PACS1: variants seen among roughly 807,000 people sequenced by gnomAD.
The protein encoded by PACS1 is PACS-1.
PACS1 carries 24 observed loss-of-function variants against 115.0 expected under a neutral mutation model. The ratio of observed to expected loss-of-function variants is 0.21; its 90% confidence interval spans 0.15 to 0.29. PACS1 has a LOEUF of 0.29. PACS1 is among the 10% of genes least tolerant of loss of function. The probability of loss-of-function intolerance (pLI) is 1.00; values close to 1 mark genes in which losing one functional copy is unlikely to be tolerated. For missense variants in PACS1, 838 were observed against 1,251.2 expected, an observed-to-expected ratio of 0.67 and a Z score of 4.98; for synonymous variants, 453 against 504.5, an observed-to-expected ratio of 0.90 and a Z score of 1.37.
In PACS1 at chr11:66,160,145, G is replaced by T. The variant is rs768297111; in HGVS notation, c.357-33341G>T. ...GGTCTCTGTTCTTCAACACATTAGCGCAATGTGACTGTAATTCAAATTGGA... is the reference window on the plus strand; with the variant it reads ...GGTCTCTGTTCTTCAACACATTAGCTCAATGTGACTGTAATTCAAATTGGA... On this transcript the variant is annotated intron_variant, in intron 1 of 23. Coordinates refer to ENST00000320580, the MANE Select transcript of PACS1 (RefSeq NM_018026.4). Among the ~76,000 whole-genome samples, 3 of 152,206 alleles carry T rather than the reference G, an allele frequency of 2.0e-5. No individual in the cohort carries two copies. The East Asian group carries it at 5.8e-4, about 29-fold the overall frequency.
At chr11:66,224,680 A>G (rs758031422) in intron 10 of PACS1, among the ~76,000 whole-genome samples, 16 of 152,112 alleles carry the variant, frequency 1.1e-4, no homozygotes, top group Non-Finnish European at 1.8e-4. Context: ...GAAGAGCCCC[A>G]TATGTCTGGA....
chr11:66,128,534 C>G (rs761541489), intron 1 of PACS1, among the ~76,000 whole-genome samples: 1 of 152,072 alleles, frequency 6.6e-6, no homozygotes, highest in Non-Finnish European at 1.5e-5. Flanking sequence ...TAGGCTCATT[C>G]TACTGTTCTA....
chr11:66,195,653 A>T (rs1854633152), intron 2 of PACS1, among the ~76,000 whole-genome samples: 1 of 152,178 alleles, frequency 6.6e-6, no homozygotes, highest in South Asian at 2.1e-4. Flanking sequence ...AAATTGTTCT[A>T]CTTCCAAGCA....
chr11:66,070,873 G>A lies in PACS1; in HGVS notation c.356+31G>A, dbSNP rs1857296523. ...CGCGGGAGGGTGCGGCGGGGCGCCGGGGGAGCGGGGTGGCCGCCGGGGCCC... is the reference window on the plus strand; with the variant it reads ...CGCGGGAGGGTGCGGCGGGGCGCCGAGGGAGCGGGGTGGCCGCCGGGGCCC... On this transcript the variant is annotated intron_variant, in intron 1 of 23. Coordinates refer to ENST00000320580, the MANE Select transcript of PACS1 (RefSeq NM_018026.4). The surrounding 1 kb of genome is among the most constrained non-coding windows in gnomAD (Gnocchi z 5.9). The A allele has an allele frequency of 2.8e-6, 4 of 1,415,730 alleles. No homozygotes were observed. The highest frequency in any genetic ancestry group is 3.7e-6 in the Non-Finnish European group (4 of 1,095,328). The allele number at this position is 1,415,730 out of a possible 1,614,324, so 87.7% of individuals were successfully genotyped here. A position where few individuals can be genotyped will look rare whatever the true frequency, so the allele number is the denominator to read the frequency against.
At chr11:66,161,104 G>A (rs1338993861) in intron 1 of PACS1, among the ~76,000 whole-genome samples, 1 of 152,158 alleles carries the variant, frequency 6.6e-6, no homozygotes, top group East Asian at 1.9e-4. Flanking sequence ...AGAGGTAAGT[G>A]TATGTGTTTG....
At chr11:66,151,984 C>T (rs1463981587) in intron 1 of PACS1, among the ~76,000 whole-genome samples, 2 of 152,146 alleles carry the variant, frequency 1.3e-5, no homozygotes, top group Non-Finnish European at 2.9e-5. Flanking sequence ...TATAATCCCA[C>T]AACTTTGGGA....
intron 10 of PACS1, among the ~76,000 whole-genome samples, chr11:66,222,270 C>G (rs1590830402): frequency 6.6e-6 from 1 of 152,086 alleles, no homozygotes; most frequent in East Asian, 1.9e-4. Flanking sequence ...TCAGGAGGCC[C>G]TAGTAGGCTT....
intron 1 of PACS1, among the ~76,000 whole-genome samples, chr11:66,129,430 TC>T (rs1326754733): frequency 9.2e-5 from 13 of 141,464 alleles, no homozygotes; most frequent in African/African-American, 3.2e-4. Context: ...AGACTCCATA[TC>T]AAAAAAAAAA....
At chr11:66,088,167 T>C (rs1857604289) in intron 1 of PACS1, among the ~76,000 whole-genome samples, 1 of 148,062 alleles carries the variant, frequency 6.8e-6, no homozygotes, top group Non-Finnish European at 1.5e-5. Context: ...TTACTCTTTA[T>C]ATTTATTTAT....
intron 1 of PACS1, among the ~76,000 whole-genome samples, chr11:66,112,678 G>A (rs946535887): frequency 1.3e-5 from 2 of 152,096 alleles, no homozygotes; most frequent in Admixed American, 6.6e-5. Flanking sequence ...TGCTTTTCCC[G>A]TTGTGCATGG....
chr11:66,220,319 G>C, intron 8 of PACS1: 1 of 361,360 alleles, frequency 2.8e-6, no homozygotes. Flanking sequence ...CGATTGCTTC[G>C]CCTTCCTGTG....
At chr11:66,151,719 A>G (rs1317363127) in intron 1 of PACS1, among the ~76,000 whole-genome samples, 2 of 152,262 alleles carry the variant, frequency 1.3e-5, no homozygotes, top group South Asian at 2.1e-4. Flanking sequence ...AATAAAATGG[A>G]AAGTCTAACT....
chr11:66,210,617 A>G (rs1330341078), intron 3 of PACS1, among the ~76,000 whole-genome samples, 166 bp downstream of exon 3: 1 of 152,204 alleles, frequency 6.6e-6, no homozygotes, highest in African/African-American at 2.4e-5. Context: ...GGGCCAAAGC[A>G]ACCCTTTAGC....
chr11:66,121,778 G>A (rs1052150469), intron 1 of PACS1, among the ~76,000 whole-genome samples: 4 of 152,216 alleles, frequency 2.6e-5, no homozygotes, highest in Admixed American at 6.5e-5. Context: ...TCAGAGAGGT[G>A]AGGAAGCTGC....
intron 1 of PACS1, among the ~76,000 whole-genome samples, chr11:66,131,587 G>A (rs1380841629): frequency 1.3e-5 from 2 of 151,954 alleles, no homozygotes; most frequent in Admixed American, 6.6e-5. Flanking sequence ...CATTTCCTTT[G>A]GTTTTTCCAT....
At chr11:66,104,656 A>G (rs1857993584) in intron 1 of PACS1, among the ~76,000 whole-genome samples, 1 of 152,216 alleles carries the variant, frequency 6.6e-6, no homozygotes, top group Non-Finnish European at 1.5e-5. Flanking sequence ...GCTTGCTCTC[A>G]GAGGAGTTGA....
intron 1 of PACS1, among the ~76,000 whole-genome samples, chr11:66,079,303 GTTTTT>G (rs10692760): frequency 9.1e-6 from 1 of 110,388 alleles, no homozygotes. Context: ...TTTGTAGCAG[GTTTTT>G]TTTTTTTTTT....
intron 1 of PACS1, among the ~76,000 whole-genome samples, chr11:66,135,902 C>A (rs1020356044): frequency 1.3e-5 from 2 of 152,076 alleles, no homozygotes; most frequent in African/African-American, 2.4e-5. Flanking sequence ...AGTGATCCAC[C>A]CCACTTGGCC....
chr11:66,105,190 G>A (rs1174651160), intron 1 of PACS1, among the ~76,000 whole-genome samples: 2 of 152,150 alleles, frequency 1.3e-5, no homozygotes, highest in Non-Finnish European at 1.5e-5. Flanking sequence ...TTGGGAGGCC[G>A]AGGCGGGCAG....
Sources: gnomAD v4.1 joint callset for allele counts (sites outside exome capture counted in the v4.1 genomes callset) on GRCh38, gnomAD v4.1.1 for gene constraint, Gnocchi (gnomAD v3.1) non-coding constraint, MANE v1.5 for transcripts, NCBI Gene and HGNC (gene_info 2026-07-23, HGNC 2026-07-21) for gene names.